Variants in WHAMM observed in about 807,000 individuals in gnomAD.
The protein encoded by WHAMM is WASP homolog-associated protein with actin, membranes and microtubules.
WHAMM carries 67 observed loss-of-function variants against 76.5 expected under a neutral mutation model. That is an observed-to-expected ratio of 0.88 (90% CI 0.72 to 1.07). The LOEUF is 1.07. Ranked by LOEUF, WHAMM falls within the 50% of genes least tolerant of loss-of-function variation. WHAMM has a pLI of 0.00. For synonymous variants in WHAMM, 419 were observed against 422.1 expected (o/e 0.99, Z 0.09); for missense variants, 1,021 against 1,051.1 (o/e 0.97, Z 0.40).
chr15:82,809,667 G>A lies in WHAMM; in HGVS notation c.-60G>A. 3 of 1,283,968 alleles carry A rather than the reference G, an allele frequency of 2.3e-6. No homozygotes were observed. The highest frequency in any genetic ancestry group is 1.0e-6 in the Non-Finnish European group (1 of 993,080). 79.5% of individuals were successfully genotyped at this position (1,283,968 alleles called of 1,614,324 possible). On this transcript the variant is annotated 5_prime_UTR_variant, in exon 1 of 10. Coordinates refer to ENST00000286760, the MANE Select transcript of WHAMM (RefSeq NM_001080435.3). ...TTTGGCTCGGACTGTCCCGTGACAG[G>A]CGGTGCGAGGAGGCCAGGCCCGCGC...
rs2050604565 is a variant in WHAMM at position 82,810,254 on chromosome 15, G to A, written c.528G>A (p.Ala176=). 4 of 1,389,648 alleles carry A rather than the reference G, an allele frequency of 2.9e-6. No homozygotes were observed. Among genetic ancestry groups the A allele is most frequent in the Non-Finnish European group, 3.7e-6 (4 of 1,073,482 alleles). 86.1% of individuals were successfully genotyped at this position (1,389,648 alleles called of 1,614,324 possible). A position where few individuals can be genotyped will look rare whatever the true frequency, so the allele number is the denominator to read the frequency against. The change falls in exon 1 of 10, where the codon GCG becomes GCA. Residue 176 remains alanine, a synonymous_variant. Coordinates refer to ENST00000286760, the MANE Select transcript of WHAMM (RefSeq NM_001080435.3). ...RDALFPAEGG[A]ADCESPREFR... is the part of the protein sequence containing the mutation. ...CACTCTTCCCGGCTGAGGGCGGCGC[G>A]GCCGACTGCGAAAGCCCGCGCGAGT...
intron 1 of WHAMM, 191 bp downstream of exon 1, chr15:82,810,526 G>A: frequency 4.1e-6 from 4 of 985,474 alleles, no homozygotes; most frequent in Non-Finnish European, 4.8e-6. Flanking sequence ...GCTGCGGGAG[G>A]GTCTGCAGAG....
In WHAMM at chr15:82,836,055, G is replaced by A. The variant is rs923396617; in HGVS notation, c.*2519G>A. 6.6e-6 allele frequency: 1 copy of A among 152,106 alleles called. No individual in the cohort carries two copies. Among genetic ancestry groups the A allele is most frequent in the Admixed American group, 6.5e-5 (1 of 15,280 alleles). 9.4% of individuals were successfully genotyped at this position (152,106 alleles called of 1,614,324 possible). ...GGGCTGCCAAACACAAGAGGCCTTTGAAAAAAGGATCCTTTTCAAAAGAAC... is the reference window on the plus strand; with the variant it reads ...GGGCTGCCAAACACAAGAGGCCTTTAAAAAAAGGATCCTTTTCAAAAGAAC... On this transcript the variant is annotated 3_prime_UTR_variant, in exon 10 of 10. Transcript: ENST00000286760.
chr15:82,821,032 ATTTAT>A (rs2050817243), intron 5 of WHAMM, among the ~76,000 whole-genome samples: 1 of 151,860 alleles, frequency 6.6e-6, no homozygotes, highest in Non-Finnish European at 1.5e-5. Context: ...TCCAATTTTC[ATTTAT>A]TTAATTATGA....
Position 82,833,698 on chromosome 15 carries a change from TTTC to T in WHAMM, c.*165_*167del, listed in dbSNP as rs1447502014. On this transcript the variant is annotated 3_prime_UTR_variant, in exon 10 of 10. Coordinates refer to ENST00000286760, the MANE Select transcript of WHAMM (RefSeq NM_001080435.3). ...AGGCTGCTGCAGCATTTTTTTTTTT[TTTC>T]TTTTTTGAGATGGAGTCTCACTCTG... 52 of 812,406 alleles carry T rather than the reference TTTC, an allele frequency of 6.4e-5. No individual in the cohort carries two copies. In the South Asian group the frequency reaches 6.6e-4, roughly 10 times the overall value. The allele number at this position is 812,406 out of a possible 1,614,324, so 50.3% of individuals were successfully genotyped here. A position where few individuals can be genotyped will look rare whatever the true frequency, so the allele number is the denominator to read the frequency against.
chr15:82,811,631 C>G (rs2050630650), intron 1 of WHAMM, among the ~76,000 whole-genome samples: 1 of 152,050 alleles, frequency 6.6e-6, no homozygotes, highest in South Asian at 2.1e-4. Flanking sequence ...AGCTTAAATT[C>G]AAAACGTGTT....
chr15:82,834,894 C>A lies in WHAMM; in HGVS notation c.*1358C>A, dbSNP rs1035131232. 3 of 152,022 alleles carry A rather than the reference C, an allele frequency of 2.0e-5. No individual in the cohort carries two copies. Among genetic ancestry groups the A allele is most frequent in the African/African-American group, 7.3e-5 (3 of 41,372 alleles). The allele number at this position is 152,022 out of a possible 1,614,324, so 9.4% of individuals were successfully genotyped here. Reference sequence around the variant, plus strand: ...GCAATAGTGTTATTTTCCTCAGGAACTGAAGTCTCATGCTGAAGTATTTTC... The same window carrying A: ...GCAATAGTGTTATTTTCCTCAGGAAATGAAGTCTCATGCTGAAGTATTTTC... On this transcript the variant is annotated 3_prime_UTR_variant, in exon 10 of 10. Coordinates refer to ENST00000286760, the MANE Select transcript of WHAMM (RefSeq NM_001080435.3).
chr15:82,823,431 A>G (rs2050871843), intron 6 of WHAMM, 144 bp downstream of exon 6: 2 of 664,246 alleles, frequency 3.0e-6, no homozygotes, highest in Admixed American at 8.7e-5. Flanking sequence ...GCTATAGTTA[A>G]AATGCTTTTA....
At chr15:82,817,280 A>C (rs758823196) in intron 3 of WHAMM, among the ~76,000 whole-genome samples, 1 of 152,210 alleles carries the variant, frequency 6.6e-6, no homozygotes, top group African/African-American at 2.4e-5. Context: ...TAGGAGCTTA[A>C]AGAAAACCTG....
At chr15:82,821,527 G>GCT (rs2050827501) in intron 5 of WHAMM, among the ~76,000 whole-genome samples, 17 of 152,088 alleles carry the variant, frequency 1.1e-4, no homozygotes, top group Admixed American at 1.1e-3. Context: ...TTAAACATTA[G>GCT]ATTGACTTTG....
At chr15:82,823,390 T>G in intron 6 of WHAMM, 103 bp downstream of exon 6, 1 of 1,066,728 alleles carries the variant, frequency 9.4e-7, no homozygotes, top group East Asian at 3.2e-5. Context: ...ACACAGTGAT[T>G]ACATTTTGTG....
At chr15:82,818,616 A>G (rs2050768425) in intron 4 of WHAMM, among the ~76,000 whole-genome samples, 1 of 151,754 alleles carries the variant, frequency 6.6e-6, no homozygotes, top group Non-Finnish European at 1.5e-5. Flanking sequence ...TAAAATAATC[A>G]AAGAGATACT....
At chr15:82,832,086 G>A (rs980285984) in intron 9 of WHAMM, among the ~76,000 whole-genome samples, 11 of 152,318 alleles carry the variant, frequency 7.2e-5, no homozygotes, top group East Asian at 5.8e-4. Flanking sequence ...TAAAGAGTTC[G>A]CGTGGCTGTG....
intron 6 of WHAMM, 30 bp from the exon 7 acceptor site, chr15:82,826,380 C>A: frequency 6.2e-7 from 1 of 1,611,216 alleles, no homozygotes; most frequent in Non-Finnish European, 8.5e-7. Context: ...ATATTAAAAA[C>A]CATGTAGGTG....
intron 3 of WHAMM, among the ~76,000 whole-genome samples, chr15:82,817,372 G>T (rs1596279834): frequency 1.3e-5 from 2 of 152,144 alleles, no homozygotes; most frequent in South Asian, 4.1e-4. Flanking sequence ...GACCATGCAG[G>T]GGCTTGTGGG....
Position 82,826,390 on chromosome 15 carries a change from G to T in WHAMM, c.1459-20G>T. On this transcript the variant is annotated intron_variant, in intron 6 of 9. Transcript: ENST00000286760. ...GGGTAATATTAAAAACCATGTAGGT[G>T]ATTTGTATTATTCCACCAGGATCAG... 1 of 1,613,554 alleles carries T rather than the reference G, an allele frequency of 6.2e-7. No homozygotes were observed. Among genetic ancestry groups the T allele is most frequent in the South Asian group, 1.1e-5 (1 of 91,022 alleles).
chr15:82,832,518 A>G (rs1365333580), intron 9 of WHAMM, among the ~76,000 whole-genome samples: 6 of 152,134 alleles, frequency 3.9e-5, no homozygotes, highest in South Asian at 2.1e-4. Flanking sequence ...CTCCTCACCA[A>G]TGCCTTGAAG....
chr15:82,833,300 G>T lies in WHAMM; in HGVS notation c.2194G>T (p.Val732Leu), dbSNP rs1470086514. 1 of 1,613,892 alleles carries T rather than the reference G, an allele frequency of 6.2e-7. No homozygotes were observed. The highest frequency in any genetic ancestry group is 8.5e-7 in the Non-Finnish European group (1 of 1,179,892). The change falls in exon 10 of 10, where the codon GTG becomes TTG. Residue 732 changes from valine (V) to leucine (L), a missense_variant. Val to Leu is a conservative substitution (Grantham distance 32). Transcript: ENST00000286760. ...TCTCCGGAAGGTGGAAGTGCCGGCG[G>T]TGCGCCCTCCCCACGCCTCAATCAA... is the stretch of plus-strand genomic sequence containing the variant. Reference protein sequence around the residue: ...APLRKVEVPAVRPPHASINEH... With the variant: ...APLRKVEVPALRPPHASINEH...
intron 7 of WHAMM, 93 bp from the exon 8 acceptor site, chr15:82,826,658 C>G (rs1198895702): frequency 1.3e-6 from 2 of 1,536,214 alleles, no homozygotes; most frequent in African/African-American, 1.4e-5. Flanking sequence ...TGTTGGGGTA[C>G]AGCCTCTTTC....
Sources: gnomAD v4.1 joint callset for allele counts (sites outside exome capture counted in the v4.1 genomes callset) on GRCh38, gnomAD v4.1.1 for gene constraint, MANE v1.5 for transcripts, NCBI Gene and HGNC (gene_info 2026-07-23, HGNC 2026-07-21) for gene names.